The following LGMN variants were observed in gnomAD, a reference collection of about 807,000 sequenced individuals.
LGMN encodes the protein asparaginyl endopeptidase.
LGMN carries 36 observed loss-of-function variants against 56.8 expected under a neutral mutation model. That is an observed-to-expected ratio of 0.63 (90% CI 0.49 to 0.84). LGMN has a LOEUF of 0.84. Ranked by LOEUF, LGMN falls within the 40% of genes least tolerant of loss-of-function variation. The pLI, the probability that LGMN is intolerant of heterozygous loss-of-function variation, is 0.00. For missense variants in LGMN, 446 were observed against 556.1 expected (o/e 0.80, Z 1.99); for synonymous variants, 199 against 210.1 (o/e 0.95, Z 0.46).
intron 2 of LGMN, chr14:92,732,415 C>G (rs945294702): frequency 7.4e-5 from 35 of 475,892 alleles, no homozygotes; most frequent in South Asian, 6.6e-4. Flanking sequence ...CCTATCAAAA[C>G]TTCTGAGGAA....
chr14:92,742,297 TTTTTTTTTC>T (rs1891595398), intron 1 of LGMN, among the ~76,000 whole-genome samples: 1 of 100,930 alleles, frequency 9.9e-6, no homozygotes, highest in African/African-American at 5.1e-5. Context: ...TTTTGCTTTT[TTTTTTTTTC>T]TTTTTTTTTG....
chr14:92,727,609 C>T (rs970520075), intron 2 of LGMN, among the ~76,000 whole-genome samples: 12 of 152,240 alleles, frequency 7.9e-5, no homozygotes, highest in African/African-American at 2.6e-4. Flanking sequence ...TTCCCACTGC[C>T]AGCTGATGCT....
intron 6 of LGMN, 54 bp from the exon 7 acceptor site, chr14:92,713,939 A>G: frequency 7.6e-7 from 1 of 1,316,098 alleles, no homozygotes; most frequent in Non-Finnish European, 1.1e-6. Context: ...TATTTGCTGG[A>G]TAAGCCACTA....
chr14:92,716,209 G>T lies in LGMN; in HGVS notation c.331C>A (p.Gln111Lys). Residue 111 changes from glutamine (Q) to lysine (K), a missense_variant, in exon 5 of 14, where the codon CAA becomes AAA. Transcript: ENST00000334869. ...CCTCTCAACACAGCAAGGAAATTTT[G>T]TGGGGTAACATCCTACAAAGAATTA... The part of the protein sequence containing the change: ...KDYTGEDVTP[Q>K]NFLAVLRGDA... The T allele has an allele frequency of 6.2e-7, 1 of 1,613,098 alleles. No homozygotes were observed. The highest frequency in any genetic ancestry group is 8.5e-7 in the Non-Finnish European group (1 of 1,179,172).
rs202247404 is a variant in LGMN, at chr14:92,718,793, C to T, written c.190G>A (p.Glu64Lys). The T allele has an allele frequency of 1.7e-5, 28 of 1,613,202 alleles. No homozygotes were observed. The highest frequency in any genetic ancestry group is 2.2e-5 in the East Asian group (1 of 44,840). Residue 64 changes from glutamate to lysine, a missense_variant, in exon 3 of 14, where the codon GAA becomes AAA. Transcript: ENST00000334869. Reference protein sequence around the residue: ...QIIHRNGIPDEQIVVMMYDDI... With the variant: ...QIIHRNGIPDKQIVVMMYDDI... The stretch of plus-strand genomic sequence containing the variant: ...TCGTACATCATCACAACGATCTGTT[C>T]GTCAGGAATCCCATTGCGGTGAATG...
chr14:92,717,695 C>A (rs1296908853), intron 3 of LGMN, among the ~76,000 whole-genome samples: 1 of 152,136 alleles, frequency 6.6e-6, no homozygotes, highest in Non-Finnish European at 1.5e-5. Context: ...CGAAAAGCCT[C>A]GGGCAGGGAC....
chr14:92,720,680 C>T (rs182879202), intron 2 of LGMN, among the ~76,000 whole-genome samples: 73 of 152,264 alleles, frequency 4.8e-4, no homozygotes, highest in Non-Finnish European at 8.1e-4. Flanking sequence ...GTTAGATGCT[C>T]AAACACTAAT....
chr14:92,707,726 T>C (rs1308659131), intron 11 of LGMN, among the ~76,000 whole-genome samples: 1 of 152,246 alleles, frequency 6.6e-6, no homozygotes, highest in East Asian at 1.9e-4. Flanking sequence ...TTAGTTTTAA[T>C]TTTTTCATAA....
chr14:92,720,146 C>G (rs369654507), intron 2 of LGMN, among the ~76,000 whole-genome samples: 13 of 152,190 alleles, frequency 8.5e-5, no homozygotes, highest in East Asian at 3.8e-4. Context: ...GCCTGGCACT[C>G]AAGAGCGATT....
At chr14:92,712,146 C>T (rs1029460563) in intron 8 of LGMN, among the ~76,000 whole-genome samples, 191 bp from the exon 9 acceptor site, 4 of 152,080 alleles carry the variant, frequency 2.6e-5, no homozygotes, top group African/African-American at 7.2e-5. Flanking sequence ...AAATTAAATG[C>T]GGAAGAAAGA....
chr14:92,723,910 T>C, intron 2 of LGMN, among the ~76,000 whole-genome samples: 1 of 152,148 alleles, frequency 6.6e-6, no homozygotes, highest in Non-Finnish European at 1.5e-5. Flanking sequence ...TTTTGTATTT[T>C]TAGTAGAAAT....
In LGMN at chr14:92,714,899, C is replaced by G. The variant is rs551157039; in HGVS notation, c.405-448G>C. On this transcript the variant is annotated intron_variant, in intron 5 of 13. Coordinates refer to ENST00000334869, the MANE Select transcript of LGMN (RefSeq NM_005606.7). The surrounding 1 kb of genome is among the most constrained non-coding windows in gnomAD (Gnocchi z 5.1). ...TGCCCACCTACCTGCCTCACCAGGG[C>G]TTCCACCAGATGGCGCTGCTTCAAA... Among the ~76,000 whole-genome samples the G allele has an allele frequency of 6.6e-6, 1 of 152,296 alleles. No individual in the cohort carries two copies. Among genetic ancestry groups the G allele is most frequent in the South Asian group, 2.1e-4 (1 of 4,818 alleles).
At chr14:92,734,743 C>T (rs1465659150) in intron 1 of LGMN, among the ~76,000 whole-genome samples, 2 of 151,878 alleles carry the variant, frequency 1.3e-5, no homozygotes, top group Non-Finnish European at 2.9e-5. Context: ...AAACGGAAAA[C>T]AGCACCAAGC....
intron 5 of LGMN, among the ~76,000 whole-genome samples, chr14:92,715,557 C>T (rs917005248): frequency 2.6e-5 from 4 of 152,202 alleles, no homozygotes; most frequent in South Asian, 4.1e-4. Context: ...CCAGGCCTCC[C>T]TTCCAGCTTA....
At chr14:92,729,409 A>C (rs1890914847) in intron 2 of LGMN, among the ~76,000 whole-genome samples, 2 of 114,688 alleles carry the variant, frequency 1.7e-5, no homozygotes, top group East Asian at 2.6e-4. Context: ...GGCCCTCCTT[A>C]CTCACCCCAT....
At chr14:92,712,083 AG>A in intron 8 of LGMN, 128 bp from the exon 9 acceptor site, 1 of 713,460 alleles carries the variant, frequency 1.4e-6, no homozygotes, top group African/African-American at 1.8e-5. Flanking sequence ...ACAGGAGGGC[AG>A]GGACACGTAA....
rs778293808 is a variant in LGMN at position 92,732,801 on chromosome 14, T to A, written c.-15A>T. 6.2e-7 allele frequency: 1 copy of A among 1,610,572 alleles called. No individual in the cohort carries two copies. The highest frequency in any genetic ancestry group is 8.5e-7 in the Non-Finnish European group (1 of 1,178,882). On this transcript the variant is annotated 5_prime_UTR_variant, in exon 2 of 14. Transcript: ENST00000334869. Reference sequence around the variant, plus strand: ...TTCCAAACCATTCTGCACCTTGGAGTTCAATTGCAGACACCTGAGAAGGGA... The same window carrying A: ...TTCCAAACCATTCTGCACCTTGGAGATCAATTGCAGACACCTGAGAAGGGA...
intron 1 of LGMN, among the ~76,000 whole-genome samples, chr14:92,734,885 G>T (rs1172077596): frequency 1.3e-5 from 2 of 152,082 alleles, no homozygotes; most frequent in African/African-American, 2.4e-5. Context: ...TCCTTGACTC[G>T]CCACTCAGCC....
chr14:92,716,238 G>T lies in LGMN; in HGVS notation c.319-17C>A. The T allele has an allele frequency of 6.3e-7, 1 of 1,576,514 alleles. No homozygotes were observed. The highest frequency in any genetic ancestry group is 1.3e-5 in the African/African-American group (1 of 74,300). ...GGTAACATCCTACAAAGAATTAGGA[G>T]CCACAATCAGATGCAGCTGTCGCTC... On this transcript the variant is annotated splice_polypyrimidine_tract_variant and intron_variant, in intron 4 of 13. Transcript: ENST00000334869.
Sources: allele counts gnomAD v4.1 joint callset (sites outside exome capture counted in the v4.1 genomes callset), GRCh38; gene constraint gnomAD v4.1.1; non-coding constraint Gnocchi (gnomAD v3.1); transcripts MANE v1.5; gene names NCBI Gene and HGNC (gene_info 2026-07-23, HGNC 2026-07-21).